The following BAZ1A variants were observed in gnomAD, a reference collection of about 807,000 sequenced individuals.
The protein encoded by BAZ1A is bromodomain adjacent to zinc finger domain 1A, also known as bromodomain adjacent to zinc finger domain protein 1A.
Under a neutral mutation model 185.2 loss-of-function variants are expected in BAZ1A, and 50 were observed. The ratio of observed to expected loss-of-function variants is 0.27; its 90% confidence interval spans 0.22 to 0.34. The LOEUF (loss-of-function observed/expected upper bound fraction) is 0.34. Among genes scored for constraint, BAZ1A ranks in the 10% least tolerant of loss-of-function variants. The probability of loss-of-function intolerance (pLI) is 1.00; values close to 1 mark genes in which losing one functional copy is unlikely to be tolerated. For missense variants in BAZ1A, 1,356 were observed against 1,839.9 expected, an observed-to-expected ratio of 0.74 and a Z score of 4.81; for synonymous variants, 571 against 615.6, an observed-to-expected ratio of 0.93 and a Z score of 1.07.
rs367891887 is a variant in BAZ1A, at chr14:34,802,870, C to T, written c.845G>A (p.Arg282Gln). ...TGTACTTACTTGACTAATATGTATT[C>T]GTTTGGGAGGTCTCCCTCTTCGTCT... ...ANRRRGRPPKRIHISQEDNVA... is the reference protein window; with the variant it reads ...ANRRRGRPPKQIHISQEDNVA... The change falls in exon 7 of 27, where the codon CGA becomes CAA. Residue 282 changes from arginine to glutamine, a missense_variant. Around this residue, in one of 7 missense-constraint regions of BAZ1A, gnomAD observed 332 missense variants for 395.3 expected, o/e 0.84. Transcript: ENST00000360310. The T allele has an allele frequency of 4.2e-5, 68 of 1,613,228 alleles. No individual in the cohort carries two copies. The highest frequency in any genetic ancestry group is 5.4e-5 in the Non-Finnish European group (64 of 1,179,482).
intron 4 of BAZ1A, among the ~76,000 whole-genome samples, chr14:34,824,719 AAGAC>A (rs10607592): frequency 0.022 from 3,329 of 152,308 alleles, 137 homozygotes; most frequent in African/African-American, 0.076. Context: ...AAGTTTCTGA[AAGAC>A]AGAACTTATC....
rs771419157 is a variant in BAZ1A at position 34,753,458 on chromosome 14, T to C, written c.*50A>G. 6.3e-7 allele frequency: 1 copy of C among 1,584,148 alleles called. No individual in the cohort carries two copies. Among genetic ancestry groups the C allele is most frequent in the Non-Finnish European group, 8.7e-7 (1 of 1,155,794 alleles). ...TATACAGCATGATTTAATGTTCCATTTTCATGAACAATTTGTTTTTCTTCA... is the reference window on the plus strand; with the variant it reads ...TATACAGCATGATTTAATGTTCCATCTTCATGAACAATTTGTTTTTCTTCA... On this transcript the variant is annotated 3_prime_UTR_variant, in exon 27 of 27. Coordinates refer to ENST00000360310, the MANE Select transcript of BAZ1A (RefSeq NM_013448.3).
intron 4 of BAZ1A, among the ~76,000 whole-genome samples, chr14:34,823,475 C>A (rs923955267): frequency 1.3e-4 from 19 of 151,914 alleles, no homozygotes; most frequent in African/African-American, 4.6e-4. Flanking sequence ...GCCTGGCCAA[C>A]CTGGAGAAAC....
Position 34,849,180 on chromosome 14 carries a change from C to A in BAZ1A, c.392+12864G>T, listed in dbSNP as rs377105911. Among the ~76,000 whole-genome samples, 39 of 152,236 alleles carry A rather than the reference C, an allele frequency of 2.6e-4. No individual in the cohort carries two copies. The East Asian group carries it at 6.0e-3, about 23-fold the overall frequency. On this transcript the variant is annotated intron_variant, in intron 3 of 26. Coordinates refer to ENST00000360310, the MANE Select transcript of BAZ1A (RefSeq NM_013448.3). ...TGGCACATGCCTATAGTCCCAGCTA[C>A]TCGGGAGGCTGAAGCAGAAGGATTG... is the stretch of plus-strand genomic sequence containing the variant.
Position 34,871,498 on chromosome 14 carries a change from G to A in BAZ1A, c.113+2994C>T, listed in dbSNP as rs146073863. On this transcript the variant is annotated intron_variant, in intron 2 of 26. Transcript: ENST00000360310. Reference sequence around the variant, plus strand: ...CAATTAGTTAAGGAGAATGTAGTAAGGAGCTTCTGCTACATAATCACTGAG... The same window carrying A: ...CAATTAGTTAAGGAGAATGTAGTAAAGAGCTTCTGCTACATAATCACTGAG... Among the ~76,000 whole-genome samples the A allele has an allele frequency of 5.6e-3, 846 of 152,362 alleles. 8 individuals are homozygous for A. Among genetic ancestry groups the A allele is most frequent in the African/African-American group, 0.02 (815 of 41,588 alleles).
chr14:34,862,292 G>A lies in BAZ1A; in HGVS notation c.144C>T (p.Asn48=). ...DDFFERTILC[N]SLVWSCAVTG... ...TCACAGCACAACTCCACACAAGGCT[G>A]TTGCACAGAATGGTTCGTTCAAAAA... Residue 48 remains asparagine, a synonymous_variant, in exon 3 of 27, where the codon AAC becomes AAT. Coordinates refer to ENST00000360310, the MANE Select transcript of BAZ1A (RefSeq NM_013448.3). 6.2e-7 allele frequency: 1 copy of A among 1,613,728 alleles called. No individual in the cohort carries two copies. The highest frequency in any genetic ancestry group is 8.5e-7 in the Non-Finnish European group (1 of 1,179,870).
intron 24 of BAZ1A, among the ~76,000 whole-genome samples, chr14:34,760,103 T>A (rs1379597937): frequency 6.6e-6 from 1 of 152,222 alleles, no homozygotes; most frequent in African/African-American, 2.4e-5. Context: ...AGTCCATATA[T>A]GTATTCAGAT....
At chr14:34,803,468 A>G (rs183213671) in intron 6 of BAZ1A, among the ~76,000 whole-genome samples, 2 of 152,206 alleles carry the variant, frequency 1.3e-5, no homozygotes, top group African/African-American at 4.8e-5. Context: ...GGTTTAACCA[A>G]TCCTTTTTCC....
chr14:34,852,359 C>T (rs1338306883), intron 3 of BAZ1A, among the ~76,000 whole-genome samples: 3 of 152,130 alleles, frequency 2.0e-5, no homozygotes, highest in African/African-American at 7.2e-5. Context: ...TGGCTCATGC[C>T]TGTAATCCCA....
intron 17 of BAZ1A, among the ~76,000 whole-genome samples, chr14:34,778,435 G>A (rs1959157): frequency 0.76 from 114,926 of 151,870 alleles, 44,564 homozygotes; most frequent in East Asian, 0.97. Context: ...GTATTTTTTC[G>A]TTCTATTTCT....
In BAZ1A at chr14:34,773,630, T is replaced by C; in HGVS notation, c.3094A>G (p.Asn1032Asp). The change falls in exon 20 of 27, where the codon AAT becomes GAT. Residue 1032 changes from asparagine (N) to aspartate (D), a missense_variant. Coordinates refer to ENST00000360310, the MANE Select transcript of BAZ1A (RefSeq NM_013448.3). ...NKENGIIKTV[N>D]EDVEEMEIDE... ...ATTTCCATCTCTTCTACGTCTTCAT[T>C]CACAGTTTTAATTATCCCATTTTCC... 1.9e-6 allele frequency: 3 copies of C among 1,613,302 alleles called. No homozygotes were observed. Among genetic ancestry groups the C allele is most frequent in the Non-Finnish European group, 2.5e-6 (3 of 1,179,508 alleles).
chr14:34,837,361 C>T (rs920901478), intron 3 of BAZ1A, among the ~76,000 whole-genome samples: 1 of 151,818 alleles, frequency 6.6e-6, no homozygotes, highest in Admixed American at 6.6e-5. Context: ...CTAACCTCAG[C>T]CTCCTAAGTA....
At chr14:34,817,731 T>C (rs2042028695) in intron 4 of BAZ1A, among the ~76,000 whole-genome samples, 1 of 152,198 alleles carries the variant, frequency 6.6e-6, no homozygotes, top group South Asian at 2.1e-4. Flanking sequence ...CATAAGCACA[T>C]GAAATGATAC....
At position 34,759,711 on chromosome 14, in the gene BAZ1A, G is replaced by A. The variant is rs186317170; in HGVS notation, c.4244-865C>T. Reference sequence around the variant, plus strand: ...AATTTTTGAGACAGAGTCTTGCTTTGTCACCTAGGCTGGAGTGCAGTGGCA... The same window carrying A: ...AATTTTTGAGACAGAGTCTTGCTTTATCACCTAGGCTGGAGTGCAGTGGCA... On this transcript the variant is annotated intron_variant, in intron 24 of 26. Coordinates refer to ENST00000360310, the MANE Select transcript of BAZ1A (RefSeq NM_013448.3). Among the ~76,000 whole-genome samples the A allele has an allele frequency of 4.6e-4, 70 of 152,044 alleles. 1 individual carries two copies. Among genetic ancestry groups the A allele is most frequent in the African/African-American group, 1.5e-3 (61 of 41,454 alleles).
Position 34,774,479 on chromosome 14 carries a change from G to A in BAZ1A, c.2845C>T (p.Pro949Ser), listed in dbSNP as rs371253252. 4.1e-5 allele frequency: 65 copies of A among 1,578,980 alleles called. No individual in the cohort carries two copies. Among genetic ancestry groups the A allele is most frequent in the African/African-American group, 2.6e-4 (19 of 73,318 alleles). Residue 949 changes from proline to serine, a missense_variant, in exon 19 of 27, where the codon CCT (proline) becomes TCT (serine). This residue lies in a region of BAZ1A where 434 missense variants were observed against 561.7 expected (regional missense o/e 0.77). Transcript: ENST00000360310. ...EKFHFSDKPQ[P>S]DSKPTYSRGR... The stretch of plus-strand genomic sequence containing the variant: ...CGACTATATGTTGGTTTGCTATCAG[G>A]CTGAGGTTTGTCTGAAATAGTAATC...
chr14:34,863,662 A>T (rs1448822271), intron 2 of BAZ1A, among the ~76,000 whole-genome samples: 1 of 152,184 alleles, frequency 6.6e-6, no homozygotes, highest in Non-Finnish European at 1.5e-5. Context: ...TTTCTAAGAC[A>T]TAATGGGTAG....
intron 12 of BAZ1A, among the ~76,000 whole-genome samples, chr14:34,788,355 G>A (rs1880626156): frequency 6.6e-6 from 1 of 151,962 alleles, no homozygotes; most frequent in Admixed American, 6.6e-5. Context: ...CCAGGCTGGA[G>A]TGCAGTGCTG....
At chr14:34,843,388 CT>C (rs2042448230) in intron 3 of BAZ1A, among the ~76,000 whole-genome samples, 1 of 152,202 alleles carries the variant, frequency 6.6e-6, no homozygotes, top group South Asian at 2.1e-4. Flanking sequence ...CTCTCTCTCG[CT>C]GCTGGGATCT....
At chr14:34,860,536 G>GCAAAAAAAAAAAAAAAAAAAAAAA (rs2042752408) in intron 3 of BAZ1A, among the ~76,000 whole-genome samples, 2 of 93,168 alleles carry the variant, frequency 2.1e-5, no homozygotes, top group Non-Finnish European at 2.3e-5. Flanking sequence ...AAAAAAAAAA[G>GCAAAAAAAAAAAAAAAAAAAAAAA]CAAAAAAAAA....
Sources: gnomAD v4.1 joint callset for allele counts (sites outside exome capture counted in the v4.1 genomes callset) on GRCh38, gnomAD v4.1.1 for gene constraint, gnomAD v4.1.1 regional missense constraint, MANE v1.5 for transcripts, NCBI Gene and HGNC (gene_info 2026-07-23, HGNC 2026-07-21) for gene names.